Variants in KDM4C observed in about 807,000 individuals in gnomAD.
KDM4C encodes lysine demethylase 4C.
KDM4C carries 81 observed loss-of-function variants against 129.3 expected under a neutral mutation model. The ratio of observed to expected loss-of-function variants is 0.63; its 90% CI spans 0.52 to 0.75. The LOEUF is 0.75. KDM4C is among the 30% of genes least tolerant of loss of function. The probability of loss-of-function intolerance (pLI) is 0.00; values close to 1 mark genes in which losing one functional copy is unlikely to be tolerated. For missense variants in KDM4C, 1,457 were observed against 1,304.0 expected, an observed-to-expected ratio of 1.12 and a Z score of -1.81; for synonymous variants, 573 against 456.1, an observed-to-expected ratio of 1.26 and a Z score of -3.26.
At chr9:6,945,942 T>A (rs1421191410) in intron 8 of KDM4C, among the ~76,000 whole-genome samples, 2 of 152,144 alleles carry the variant, frequency 1.3e-5, no homozygotes, top group African/African-American at 4.8e-5. Context: ...TTGGTCCAGA[T>A]GTCTTTTCTA....
At chr9:6,738,506 T>A (rs1352726310) in intron 1 of KDM4C, among the ~76,000 whole-genome samples, 1 of 151,994 alleles carries the variant, frequency 6.6e-6, no homozygotes, top group Non-Finnish European at 1.5e-5. Flanking sequence ...AGATCAGAGG[T>A]CACTGGAGTC....
chr9:6,759,499 C>A (rs1429410598), intron 1 of KDM4C, among the ~76,000 whole-genome samples: 1 of 152,164 alleles, frequency 6.6e-6, no homozygotes, highest in East Asian at 1.9e-4. Context: ...ACGGATTACA[C>A]GGTTGTTCGG....
Position 6,934,022 on chromosome 9 carries a change from G to A in KDM4C, c.921+40790G>A, listed in dbSNP as rs1247483221. Among the ~76,000 whole-genome samples, 7 of 151,792 alleles carry A rather than the reference G, an allele frequency of 4.6e-5. 1 individual carries two copies. The highest frequency in any genetic ancestry group is 3.9e-4 in the Admixed American group (6 of 15,232). ...GCCCCACCAAGCCTGGCTAATTTTTGTACTTTTTGTAGAGATGGGGTTTCA... is the reference window on the plus strand; with the variant it reads ...GCCCCACCAAGCCTGGCTAATTTTTATACTTTTTGTAGAGATGGGGTTTCA... On this transcript the variant is annotated intron_variant, in intron 8 of 21. Coordinates refer to ENST00000381309, the MANE Select transcript of KDM4C (RefSeq NM_015061.6).
At chr9:7,016,678 G>A (rs956920183) in intron 15 of KDM4C, among the ~76,000 whole-genome samples, 4 of 151,546 alleles carry the variant, frequency 2.6e-5, no homozygotes, top group African/African-American at 7.3e-5. Flanking sequence ...CACCTGCCTC[G>A]GCCTCCCAAA....
intron 18 of KDM4C, among the ~76,000 whole-genome samples, chr9:7,114,143 A>G (rs1430388098): frequency 6.6e-6 from 1 of 152,128 alleles, no homozygotes; most frequent in Non-Finnish European, 1.5e-5. Flanking sequence ...CTGCTACCAT[A>G]CTACTCCTTA....
intron 8 of KDM4C, among the ~76,000 whole-genome samples, chr9:6,919,247 T>TTTTCTTTCTTTC (rs141381388): frequency 9.4e-5 from 10 of 106,242 alleles, no homozygotes; most frequent in Admixed American, 1.9e-4. Context: ...TCTTTCTTTC[T>TTTTCTTTCTTTC]TTTCTTTCTT....
chr9:6,981,483 T>C (rs1006302039), intron 9 of KDM4C, among the ~76,000 whole-genome samples: 3 of 152,238 alleles, frequency 2.0e-5, no homozygotes, highest in African/African-American at 7.2e-5. Context: ...ATTTTGCTTT[T>C]TGGCTTTAGT....
intron 15 of KDM4C, among the ~76,000 whole-genome samples, chr9:7,043,554 A>G (rs1197610303): frequency 6.6e-6 from 1 of 152,054 alleles, no homozygotes; most frequent in Non-Finnish European, 1.5e-5. Flanking sequence ...TAGGCATGTA[A>G]TGAAACTACA....
Position 6,748,125 on chromosome 9 carries a change from C to G in KDM4C, c.49+27128C>G, listed in dbSNP as rs1276948301. ...AGGTTGCAGTGAGCAGAGATCGCAC[C>G]ACTGCACTCCAGCCTGAGTAACAGA... is the stretch of plus-strand genomic sequence containing the variant. On this transcript the variant is annotated intron_variant, in intron 1 of 17. Coordinates refer to the KDM4C transcript ENST00000536108. 3.3e-5 allele frequency among the ~76,000 whole-genome samples: 5 copies of G among 151,464 alleles called. No individual in the cohort carries two copies. In the East Asian group the frequency reaches 9.7e-4, roughly 29 times the overall value.
chr9:7,070,300 A>G (rs1187495088), intron 17 of KDM4C, among the ~76,000 whole-genome samples: 1 of 152,192 alleles, frequency 6.6e-6, no homozygotes, highest in Non-Finnish European at 1.5e-5. Context: ...CAGTATTATG[A>G]TGTAAAATGT....
Position 6,761,317 on chromosome 9 carries a change from T to A in KDM4C, c.-18+3114T>A, listed in dbSNP as rs559981076. The stretch of plus-strand genomic sequence containing the variant: ...AACCACTGTGCCCGGCCTCTGGATG[T>A]CAGTATTAAGATCATCCTGTTCTTT... On this transcript the variant is annotated intron_variant, in intron 1 of 21. Coordinates refer to ENST00000381309, the MANE Select transcript of KDM4C (RefSeq NM_015061.6). 8.5e-5 allele frequency among the ~76,000 whole-genome samples: 13 copies of A among 152,066 alleles called. No individual in the cohort carries two copies. In the South Asian group the frequency reaches 2.7e-3, roughly 32 times the overall value.
intron 17 of KDM4C, among the ~76,000 whole-genome samples, chr9:7,101,351 T>C (rs1455464430): frequency 6.6e-6 from 1 of 152,098 alleles, no homozygotes; most frequent in African/African-American, 2.4e-5. Context: ...AAAAAAACCA[T>C]TTTAGCAACA....
intron 11 of KDM4C, among the ~76,000 whole-genome samples, chr9:6,989,109 A>G (rs772886296): frequency 2.2e-4 from 34 of 152,192 alleles, no homozygotes; most frequent in Non-Finnish European, 3.8e-4. Context: ...TGGCTGTGTT[A>G]TAATTTCCCA....
In KDM4C at chr9:7,015,901, C is replaced by A; in HGVS notation, c.2231C>A (p.Ala744Asp). The change falls in exon 15 of 22, where the codon GCC becomes GAC. Residue 744 changes from alanine (A) to aspartate (D), a missense_variant. Coordinates refer to ENST00000381309, the MANE Select transcript of KDM4C (RefSeq NM_015061.6). ...SHEICDGWLC[A>D]RCKRNAWTAE... Reference sequence around the variant, plus strand: ...GAGATCTGTGATGGATGGCTGTGTGCCCGGTGCAAAAGAAATGCGTGGACA... The same window carrying A: ...GAGATCTGTGATGGATGGCTGTGTGACCGGTGCAAAAGAAATGCGTGGACA... 6.2e-7 allele frequency: 1 copy of A among 1,612,524 alleles called. No individual in the cohort carries two copies. Among genetic ancestry groups the A allele is most frequent in the Non-Finnish European group, 8.5e-7 (1 of 1,178,958 alleles).
At chr9:6,759,388 G>A (rs1359176458) in intron 1 of KDM4C, among the ~76,000 whole-genome samples, 1 of 152,100 alleles carries the variant, frequency 6.6e-6, no homozygotes, top group Admixed American at 6.6e-5. Flanking sequence ...AATTTTTAAA[G>A]GTCCATTTTT....
intron 17 of KDM4C, among the ~76,000 whole-genome samples, chr9:7,050,799 A>C (rs1336116639): frequency 6.6e-6 from 1 of 152,132 alleles, no homozygotes; most frequent in Non-Finnish European, 1.5e-5. Context: ...TCAGTCCCAA[A>C]GGGTTTTTGA....
At chr9:6,917,352 T>C (rs970279384) in intron 8 of KDM4C, among the ~76,000 whole-genome samples, 20 of 152,218 alleles carry the variant, frequency 1.3e-4, no homozygotes, top group African/African-American at 4.8e-4. Flanking sequence ...GGGTTTAAAA[T>C]CCATTGATCC....
intron 17 of KDM4C, among the ~76,000 whole-genome samples, chr9:7,060,532 A>C (rs998179507): frequency 6.6e-6 from 1 of 150,940 alleles, no homozygotes; most frequent in African/African-American, 2.4e-5. Context: ...ACCAGGCTGG[A>C]GTGCAGTGGT....
chr9:7,165,174 CT>C (rs1315969269), intron 19 of KDM4C, 63 bp from the exon 20 acceptor site: 9 of 1,571,990 alleles, frequency 5.7e-6, no homozygotes, highest in Non-Finnish European at 7.8e-6. Context: ...TCATCATTTG[CT>C]AAGTTCTAAA....
Sources: gnomAD v4.1 joint callset for allele counts (sites outside exome capture counted in the v4.1 genomes callset) on GRCh38, gnomAD v4.1.1 for gene constraint, MANE v1.5 for transcripts, NCBI Gene and HGNC (gene_info 2026-07-23, HGNC 2026-07-21) for gene names.